Variants in EVL observed in about 807,000 individuals in gnomAD.
EVL encodes Enah/Vasp-like, also known as ena/VASP-like protein.
A neutral mutation model predicts 59.6 loss-of-function variants in EVL; 21 were observed. The ratio of observed to expected loss-of-function variants is 0.35; its 90% CI spans 0.25 to 0.51. The LOEUF is 0.51. EVL is among the 20% of genes least tolerant of loss of function. The probability of loss-of-function intolerance (pLI) is 0.97; values close to 1 mark genes in which losing one functional copy is unlikely to be tolerated. For synonymous variants in EVL, 198 were observed against 203.5 expected, an observed-to-expected ratio of 0.97 and a Z score of 0.23; for missense variants, 462 against 546.6, an observed-to-expected ratio of 0.85 and a Z score of 1.54.
At chr14:100,133,880 T>C (rs145363636) in intron 8 of EVL, among the ~76,000 whole-genome samples, 2 of 152,160 alleles carry the variant, frequency 1.3e-5, no homozygotes, top group Non-Finnish European at 2.9e-5. Context: ...GAGGTTGTAG[T>C]GAGCAGAGAT....
At chr14:99,995,902 G>A (rs1210701035) in intron 1 of EVL, among the ~76,000 whole-genome samples, 1 of 152,022 alleles carries the variant, frequency 6.6e-6, no homozygotes, top group African/African-American at 2.4e-5. Flanking sequence ...TTCCTCTCTG[G>A]TGCTGTGGCA....
At chr14:100,077,210 A>C (rs1171033178) in intron 1 of EVL, among the ~76,000 whole-genome samples, 1 of 152,188 alleles carries the variant, frequency 6.6e-6, no homozygotes, top group African/African-American at 2.4e-5. Context: ...GCTGTGGTCT[A>C]AAATAAATAA....
intron 1 of EVL, among the ~76,000 whole-genome samples, chr14:100,010,904 A>G (rs1294479455): frequency 1.3e-5 from 2 of 152,216 alleles, no homozygotes; most frequent in African/African-American, 4.8e-5. Flanking sequence ...TCTTTAGGAG[A>G]TCCAAAAGTG....
At chr14:100,050,681 A>G (rs981714610) in intron 1 of EVL, among the ~76,000 whole-genome samples, 1 of 151,544 alleles carries the variant, frequency 6.6e-6, no homozygotes, top group African/African-American at 2.4e-5. Flanking sequence ...TCATATTTTT[A>G]AAATCTTTGC....
intron 1 of EVL, among the ~76,000 whole-genome samples, chr14:100,004,547 A>G (rs2060966231): frequency 6.6e-6 from 1 of 152,114 alleles, no homozygotes; most frequent in African/African-American, 2.4e-5. Context: ...ATTTGATCAT[A>G]TAAAAGTTTT....
At chr14:99,997,736 A>C (rs1440725829) in intron 1 of EVL, among the ~76,000 whole-genome samples, 2 of 152,206 alleles carry the variant, frequency 1.3e-5, no homozygotes, top group Non-Finnish European at 2.9e-5. Flanking sequence ...AGTGATGTTC[A>C]TGTGTAACTT....
chr14:100,005,837 T>C (rs1201536279), intron 1 of EVL, among the ~76,000 whole-genome samples: 3 of 151,886 alleles, frequency 2.0e-5, no homozygotes, highest in Non-Finnish European at 1.5e-5. Context: ...ACCCAGGCTG[T>C]CCCGGTGGAA....
At chr14:100,138,824 A>G in intron 11 of EVL, 1 of 152,534 alleles carries the variant, frequency 6.6e-6, no homozygotes, top group East Asian at 1.9e-4. Flanking sequence ...GGGAGCTGGC[A>G]TTTTCGTTGA....
rs572299901 is a variant in EVL at position 100,094,249 on chromosome 14, G to C, written c.181-3232G>C. On this transcript the variant is annotated intron_variant, in intron 2 of 13. Coordinates refer to ENST00000392920, the MANE Select transcript of EVL (RefSeq NM_016337.3). ...CCTGACTGTAAAAAGAGCGGATTGA[G>C]TTAGATAATCCCTAAGGTGCTATTT... 2.0e-5 allele frequency among the ~76,000 whole-genome samples: 3 copies of C among 152,316 alleles called. No individual in the cohort carries two copies. In the East Asian group the frequency reaches 5.8e-4, roughly 29 times the overall value.
intron 1 of EVL, among the ~76,000 whole-genome samples, chr14:100,022,177 C>T (rs1292500709): frequency 6.6e-6 from 1 of 151,988 alleles, no homozygotes; most frequent in Non-Finnish European, 1.5e-5. Flanking sequence ...GGGGCCGGCT[C>T]CATCAGGTTA....
chr14:99,978,240 A>G (rs998405969), intron 1 of EVL: 2 of 152,166 alleles, frequency 1.3e-5, no homozygotes, highest in Non-Finnish European at 2.9e-5. Flanking sequence ...CTACTAAAAA[A>G]AAATACAAAA....
chr14:100,016,290 G>T (rs1463532587), intron 1 of EVL, among the ~76,000 whole-genome samples: 2 of 152,084 alleles, frequency 1.3e-5, no homozygotes, highest in Non-Finnish European at 2.9e-5. Flanking sequence ...CAGCACTTTG[G>T]GAGGCCGAGG....
rs57192659 is a variant in EVL at position 100,030,094 on chromosome 14, C to CT, written c.6-54578dup. Among the ~76,000 whole-genome samples the CT allele has an allele frequency of 3.2e-3, 444 of 139,946 alleles. 3 individuals carry two copies. The highest frequency in any genetic ancestry group is 6.1e-3 in the East Asian group (30 of 4,882). 91.8% of individuals were successfully genotyped at this position (139,946 alleles called of 152,430 possible). ...TACTATGCTAATTAAATGAGATTAC[C>CT]TTTTTTTTTTTTTTTGAGGTGGAGT... is the stretch of plus-strand genomic sequence containing the variant. On this transcript the variant is annotated intron_variant, in intron 1 of 13. Transcript: ENST00000402714.
chr14:100,132,702 C>T lies in EVL; in HGVS notation c.840-17C>T. ...ACGTGAGGAGCTGATCTGTATCTTC[C>T]CCTTCTCTGTGCCTAGGAGAAAAGC... On this transcript the variant is annotated splice_polypyrimidine_tract_variant and intron_variant, in intron 7 of 13. Transcript: ENST00000392920. The T allele has an allele frequency of 3.7e-6, 6 of 1,613,982 alleles. No homozygotes were observed. The African/African-American group carries it at 5.3e-5, about 14-fold the overall frequency.
chr14:100,087,119 G>T (rs2062461506), intron 2 of EVL, among the ~76,000 whole-genome samples: 1 of 152,158 alleles, frequency 6.6e-6, no homozygotes, highest in Non-Finnish European at 1.5e-5. Context: ...CACTTTTCAT[G>T]TCTATTATTT....
intron 1 of EVL, among the ~76,000 whole-genome samples, chr14:100,068,864 C>T (rs578187201): frequency 1.8e-4 from 27 of 152,146 alleles, no homozygotes; most frequent in African/African-American, 5.3e-4. Flanking sequence ...TAGCTGAGGT[C>T]GCGGTGCAGC....
At chr14:99,989,229 G>T (rs1427530244) in intron 1 of EVL, among the ~76,000 whole-genome samples, 1 of 152,060 alleles carries the variant, frequency 6.6e-6, no homozygotes, top group African/African-American at 2.4e-5. Context: ...GTGATGGAGT[G>T]TCTCGGTTCC....
intron 5 of EVL, 31 bp from the exon 6 acceptor site, chr14:100,128,488 G>A (rs1271086223): frequency 5.0e-6 from 8 of 1,610,860 alleles, no homozygotes; most frequent in Non-Finnish European, 5.9e-6. Context: ...CTGGGTGCTG[G>A]AGCTGGCTGA....
At chr14:100,019,962 G>A (rs978903177) in intron 1 of EVL, among the ~76,000 whole-genome samples, 2 of 152,224 alleles carry the variant, frequency 1.3e-5, no homozygotes. Flanking sequence ...TTGAGCTGCT[G>A]TTGCTGGTGT....
Sources: allele counts gnomAD v4.1 joint callset (sites outside exome capture counted in the v4.1 genomes callset), GRCh38; gene constraint gnomAD v4.1.1; transcripts MANE v1.5; gene names NCBI Gene and HGNC (gene_info 2026-07-23, HGNC 2026-07-21).